VAPB: variants seen among roughly 807,000 people sequenced by gnomAD.
VAPB encodes the protein vesicle-associated membrane protein-associated protein B/C.
A neutral mutation model predicts 25.6 loss-of-function variants in VAPB; 7 were observed. The ratio of observed to expected loss-of-function variants is 0.27; its 90% confidence interval spans 0.16 to 0.51. The LOEUF (loss-of-function observed/expected upper bound fraction) is 0.51, where lower values mean the gene tolerates loss of function less well. Among genes scored for constraint, VAPB ranks in the 20% least tolerant of loss-of-function variants. The pLI is 0.97. For missense variants in VAPB, 266 were observed against 301.3 expected, an observed-to-expected ratio of 0.88 and a Z score of 0.87; for synonymous variants, 112 against 109.2, an observed-to-expected ratio of 1.03 and a Z score of -0.16.
chr20:58,447,311 T>A lies in VAPB; in HGVS notation c.*3076T>A. On this transcript the variant is annotated 3_prime_UTR_variant, in exon 6 of 6. Coordinates refer to ENST00000475243, the MANE Select transcript of VAPB (RefSeq NM_004738.5). ...TTATTTGTAGGTGTGAGGAACTGGC[T>A]TTAACTTTTTTCTCCTCCTAGTTTG... 1 of 454,168 alleles carries A rather than the reference T, an allele frequency of 2.2e-6. No individual in the cohort carries two copies. The highest frequency in any genetic ancestry group is 6.9e-5 in the East Asian group (1 of 14,400). 28.1% of individuals were successfully genotyped at this position (454,168 alleles called of 1,614,324 possible). A position where few individuals can be genotyped will look rare whatever the true frequency, so the allele number is the denominator to read the frequency against.
intron 2 of VAPB, among the ~76,000 whole-genome samples, chr20:58,423,615 A>G (rs1398528714): frequency 6.6e-6 from 1 of 152,108 alleles, no homozygotes; most frequent in African/African-American, 2.4e-5. Context: ...CCAGGAGTGC[A>G]CCTTTCAGGT....
intron 1 of VAPB, among the ~76,000 whole-genome samples, chr20:58,398,532 A>G (rs1568698214): frequency 6.6e-6 from 1 of 151,346 alleles, no homozygotes; most frequent in Non-Finnish European, 1.5e-5. Context: ...TAGCCCTTAA[A>G]GTTTCCAGCC....
At chr20:58,425,880 A>C (rs1458903010) in intron 2 of VAPB, among the ~76,000 whole-genome samples, 1 of 151,906 alleles carries the variant, frequency 6.6e-6, no homozygotes, top group Admixed American at 6.6e-5. Flanking sequence ...TTCTTATTTA[A>C]ATTTTATTAT....
chr20:58,410,016 A>G (rs1988336927), intron 1 of VAPB, among the ~76,000 whole-genome samples: 1 of 152,198 alleles, frequency 6.6e-6, no homozygotes, highest in Non-Finnish European at 1.5e-5. Context: ...GTGAATTAAT[A>G]TAAAAGACCA....
intron 1 of VAPB, among the ~76,000 whole-genome samples, chr20:58,405,702 C>G (rs2123035627): frequency 7.4e-6 from 1 of 134,482 alleles, no homozygotes; most frequent in East Asian, 2.3e-4. Flanking sequence ...TCCCAAAATG[C>G]TAGGATTACA....
rs543762479 is a variant in VAPB at position 58,389,420 on chromosome 20, C to T, written c.-40C>T. 33 of 1,568,626 alleles carry T rather than the reference C, an allele frequency of 2.1e-5. No homozygotes were observed. In the East Asian group the frequency reaches 3.8e-4, roughly 18 times the overall value. On this transcript the variant is annotated 5_prime_UTR_variant, in exon 1 of 6. Transcript: ENST00000475243. Reference sequence around the variant, plus strand: ...AACGCTTCCCGCCCCGGTGACCTCTCAGGGGTCTCCCCGCCAAAGGTGCTC... The same window carrying T: ...AACGCTTCCCGCCCCGGTGACCTCTTAGGGGTCTCCCCGCCAAAGGTGCTC...
chr20:58,445,475 A>G lies in VAPB; in HGVS notation c.*1240A>G, dbSNP rs1436791901. 5 of 454,408 alleles carry G rather than the reference A, an allele frequency of 1.1e-5. No homozygotes were observed. The highest frequency in any genetic ancestry group is 6.9e-5 in the East Asian group (1 of 14,400). 28.1% of individuals were successfully genotyped at this position (454,408 alleles called of 1,614,324 possible). A position where few individuals can be genotyped will look rare whatever the true frequency, so the allele number is the denominator to read the frequency against. On this transcript the variant is annotated 3_prime_UTR_variant, in exon 6 of 6. Coordinates refer to ENST00000475243, the MANE Select transcript of VAPB (RefSeq NM_004738.5). ...TTTGACTGTGAATTAATTTTATGCC[A>G]TAAAAGACCAACCCAGTTCTGTTTG...
chr20:58,397,902 AGTC>A (rs1449600578), intron 1 of VAPB, among the ~76,000 whole-genome samples: 2 of 152,210 alleles, frequency 1.3e-5, no homozygotes, highest in Admixed American at 1.3e-4. Context: ...CACTTTGGGA[AGTC>A]GTCATTTTCC....
chr20:58,408,893 C>G lies in VAPB; in HGVS notation c.59-9318C>G, dbSNP rs972362642. ...TCTGGTGATGAATAGGACAGACACC[C>G]CCCCCCCCCACCCCGCCCCCCACTC... On this transcript the variant is annotated intron_variant, in intron 1 of 5. Coordinates refer to ENST00000475243, the MANE Select transcript of VAPB (RefSeq NM_004738.5). Among the ~76,000 whole-genome samples the G allele has an allele frequency of 1.1e-4, 13 of 123,554 alleles. No individual in the cohort carries two copies. The South Asian group carries it at 3.3e-3, about 31-fold the overall frequency. 81.1% of individuals were successfully genotyped at this position (123,554 alleles called of 152,430 possible). A position where few individuals can be genotyped will look rare whatever the true frequency, so the allele number is the denominator to read the frequency against.
rs1363248083 is a variant in VAPB at position 58,447,856 on chromosome 20, G to T, written c.*3621G>T. ...TGGCCCATTTCTCATTGTAGTTTGA[G>T]AAATACATGTATGAAGAGATAGGGG... On this transcript the variant is annotated 3_prime_UTR_variant, in exon 6 of 6. Transcript: ENST00000475243. The T allele has an allele frequency of 2.2e-6, 1 of 453,970 alleles. No homozygotes were observed. The highest frequency in any genetic ancestry group is 4.4e-6 in the Non-Finnish European group (1 of 226,786). 28.1% of individuals were successfully genotyped at this position (453,970 alleles called of 1,614,324 possible). A position where few individuals can be genotyped will look rare whatever the true frequency, so the allele number is the denominator to read the frequency against.
rs1432333793 is a variant in VAPB at position 58,445,703 on chromosome 20, T to C, written c.*1468T>C. 7 of 314,886 alleles carry C rather than the reference T, an allele frequency of 2.2e-5. No homozygotes were observed. The highest frequency in any genetic ancestry group is 3.9e-5 in the African/African-American group (1 of 25,396). The allele number at this position is 314,886 out of a possible 1,614,324, so 19.5% of individuals were successfully genotyped here. On this transcript the variant is annotated 3_prime_UTR_variant, in exon 6 of 6. Transcript: ENST00000475243. ...TTAACTCTGTGTGTGTGTGTGTGTG[T>C]GTGTGTGTGTGTGTGTGTATTTTTT...
chr20:58,421,176 C>G (rs539050933), intron 2 of VAPB, among the ~76,000 whole-genome samples: 26 of 152,270 alleles, frequency 1.7e-4, no homozygotes, highest in African/African-American at 6.3e-4. Flanking sequence ...ACCTATTAAC[C>G]TTTCTAGGTT....
intron 4 of VAPB, 188 bp downstream of exon 4, chr20:58,439,213 A>C (rs1989110783): frequency 1.7e-6 from 1 of 605,874 alleles, no homozygotes; most frequent in Non-Finnish European, 2.9e-6. Flanking sequence ...AAACTCACGG[A>C]AAGACAACTG....
chr20:58,412,353 G>A (rs900569735), intron 1 of VAPB, among the ~76,000 whole-genome samples: 7 of 152,168 alleles, frequency 4.6e-5, no homozygotes, highest in Admixed American at 4.6e-4. Context: ...GCCAAGGTGG[G>A]TGGATCATTT....
chr20:58,429,153 T>TC (rs1988871770), intron 2 of VAPB, among the ~76,000 whole-genome samples: 3 of 148,408 alleles, frequency 2.0e-5, no homozygotes, highest in East Asian at 2.1e-4. Context: ...TTTTTTTTTT[T>TC]TCCAAAGCAG....
intron 2 of VAPB, among the ~76,000 whole-genome samples, chr20:58,429,399 A>G (rs1339971178): frequency 6.6e-6 from 1 of 152,202 alleles, no homozygotes; most frequent in Non-Finnish European, 1.5e-5. Flanking sequence ...GCTTACACCC[A>G]CTGCCTTGTG....
intron 1 of VAPB, among the ~76,000 whole-genome samples, chr20:58,400,230 C>T (rs1439417551): frequency 2.0e-5 from 3 of 152,020 alleles, no homozygotes; most frequent in Non-Finnish European, 2.9e-5. Flanking sequence ...TCCTCCTCTG[C>T]GATGTAAGGA....
intron 1 of VAPB, among the ~76,000 whole-genome samples, chr20:58,393,703 T>G (rs1987869482): frequency 7.0e-6 from 1 of 143,820 alleles, no homozygotes; most frequent in Admixed American, 7.0e-5. Context: ...CCATCCTCAC[T>G]AGGTTAAGGT....
chr20:58,389,508 A>C lies in VAPB; in HGVS notation c.49A>C (p.Lys17Gln). Residue 17 changes from lysine (K) to glutamine (Q), a missense_variant, in exon 1 of 6, where the codon AAA becomes CAA. Coordinates refer to ENST00000475243, the MANE Select transcript of VAPB (RefSeq NM_004738.5). ...VLSLEPQHEL[K>Q]FRGPFTDVVT... ...GAGCCTCGAGCCGCAGCACGAGCTC[A>C]AATTCCGAGGTAAGCCCCAGAGGCC... 1 of 1,590,692 alleles carries C rather than the reference A, an allele frequency of 6.3e-7. No homozygotes were observed. Among genetic ancestry groups the C allele is most frequent in the Non-Finnish European group, 8.5e-7 (1 of 1,169,724 alleles).
Sources: allele counts gnomAD v4.1 joint callset (sites outside exome capture counted in the v4.1 genomes callset), GRCh38; gene constraint gnomAD v4.1.1; transcripts MANE v1.5; gene names NCBI Gene and HGNC (gene_info 2026-07-23, HGNC 2026-07-21).